The following BIN3 variants were observed in gnomAD, a reference collection of about 807,000 sequenced individuals.
BIN3 encodes bridging integrator 3.
A neutral mutation model predicts 38.2 loss-of-function variants in BIN3; 41 were observed. The observed-to-expected ratio is 1.07, with a 90% CI of 0.84 to 1.39. The LOEUF is 1.39. Among genes scored for constraint, BIN3 ranks in the 40% most tolerant of loss-of-function variants. The pLI, the probability that BIN3 is intolerant of heterozygous loss-of-function variation, is 0.00. For synonymous variants in BIN3, 145 were observed against 122.6 expected, an observed-to-expected ratio of 1.18 and a Z score of -1.21; for missense variants, 361 against 324.3, an observed-to-expected ratio of 1.11 and a Z score of -0.87.
chr8:22,633,162 G>T (rs570346216), intron 4 of BIN3, among the ~76,000 whole-genome samples: 1 of 152,326 alleles, frequency 6.6e-6, no homozygotes, highest in African/African-American at 2.4e-5. Flanking sequence ...AGCTGGGGTA[G>T]ATGACACCAA....
At chr8:22,664,774 C>T (rs764593300) in intron 1 of BIN3, among the ~76,000 whole-genome samples, 3 of 152,192 alleles carry the variant, frequency 2.0e-5, no homozygotes, top group East Asian at 3.8e-4. Flanking sequence ...GCACTGCTTG[C>T]GCAGACATAA....
intron 1 of BIN3, among the ~76,000 whole-genome samples, chr8:22,654,034 T>C (rs544766800): frequency 6.6e-6 from 1 of 152,348 alleles, no homozygotes; most frequent in African/African-American, 2.4e-5. Flanking sequence ...AGCCCTTGGC[T>C]TCACCTAACT....
At chr8:22,647,750 G>A (rs977832830) in intron 1 of BIN3, among the ~76,000 whole-genome samples, 4 of 152,086 alleles carry the variant, frequency 2.6e-5, no homozygotes, top group South Asian at 2.1e-4. Context: ...CTATCATACT[G>A]TTCTGATTAT....
chr8:22,655,642 A>T (rs1585201700), intron 1 of BIN3, among the ~76,000 whole-genome samples: 2 of 152,230 alleles, frequency 1.3e-5, no homozygotes, highest in South Asian at 4.1e-4. Flanking sequence ...TCTTGATAAC[A>T]GCACCACACA....
chr8:22,660,930 G>A (rs1250013274), intron 1 of BIN3, among the ~76,000 whole-genome samples: 1 of 152,128 alleles, frequency 6.6e-6, no homozygotes, highest in Non-Finnish European at 1.5e-5. Context: ...CTGTATCCAG[G>A]CTGAGGTGCA....
At chr8:22,634,454 G>A (rs996769359) in intron 4 of BIN3, 18 of 456,002 alleles carry the variant, frequency 3.9e-5, no homozygotes, top group East Asian at 1.4e-4. Flanking sequence ...GGGAAGGAAC[G>A]CTTTCCTTTT....
At chr8:22,647,614 G>A (rs1802752712) in intron 1 of BIN3, among the ~76,000 whole-genome samples, 1 of 152,198 alleles carries the variant, frequency 6.6e-6, no homozygotes, top group African/African-American at 2.4e-5. Flanking sequence ...TTAAGGGTCT[G>A]GAAGTGAATG....
At chr8:22,629,566 TC>T (rs1395951216) in intron 6 of BIN3, 1 of 225,096 alleles carries the variant, frequency 4.4e-6, no homozygotes, top group East Asian at 9.4e-5. Flanking sequence ...GCAGCTGCTC[TC>T]CCAAGCTGGC....
intron 1 of BIN3, among the ~76,000 whole-genome samples, chr8:22,654,181 C>G (rs1246362577): frequency 2.6e-5 from 4 of 152,046 alleles, no homozygotes; most frequent in Non-Finnish European, 5.9e-5. Context: ...GTAACTGCAC[C>G]CTAATTCCCA....
Position 22,621,464 on chromosome 8 carries a change from T to C in BIN3, c.720A>G (p.Lys240=). 1 of 1,613,800 alleles carries C rather than the reference T, an allele frequency of 6.2e-7. No individual in the cohort carries two copies. Among genetic ancestry groups the C allele is most frequent in the Non-Finnish European group, 8.5e-7 (1 of 1,179,856 alleles). ...TGGAGAGGGCCCGGAGCTCACTGAG[T>C]TTGGCCTCGTTCTCCCGCTCCCGCT... ...DEQRERENEA[K]LSELRALSIV... The change falls in exon 9 of 9, where the codon AAA becomes AAG. Residue 240 remains lysine (K), a synonymous_variant. Coordinates refer to ENST00000276416, the MANE Select transcript of BIN3 (RefSeq NM_018688.6).
chr8:22,666,663 C>T (rs1215758784), intron 1 of BIN3, among the ~76,000 whole-genome samples: 1 of 152,162 alleles, frequency 6.6e-6, no homozygotes, highest in Non-Finnish European at 1.5e-5. Flanking sequence ...GAACAAAGGC[C>T]TCTCACTCTT....
At chr8:22,641,342 A>G (rs963760461) in intron 2 of BIN3, among the ~76,000 whole-genome samples, 7 of 152,130 alleles carry the variant, frequency 4.6e-5, no homozygotes, top group African/African-American at 1.7e-4. Flanking sequence ...GTGGGAGGAA[A>G]GGGTTTTGCT....
At chr8:22,665,053 A>C (rs961268091) in intron 1 of BIN3, among the ~76,000 whole-genome samples, 6 of 152,204 alleles carry the variant, frequency 3.9e-5, no homozygotes, top group Non-Finnish European at 8.8e-5. Flanking sequence ...TTGGTGTGGA[A>C]GGGAGGTGTA....
chr8:22,669,100 C>T lies in BIN3; in HGVS notation c.-49G>A, dbSNP rs747013744. The T allele has an allele frequency of 6.3e-7, 1 of 1,577,274 alleles. No individual in the cohort carries two copies. The highest frequency in any genetic ancestry group is 8.6e-7 in the Non-Finnish European group (1 of 1,161,442). The stretch of plus-strand genomic sequence containing the variant: ...CGGGGTCCTCAGCCACAACTCGTTT[C>T]TCTAGGGTCACTTCCGGATTCAACC... On this transcript the variant is annotated 5_prime_UTR_variant, in exon 1 of 9. Coordinates refer to ENST00000276416, the MANE Select transcript of BIN3 (RefSeq NM_018688.6).
chr8:22,632,494 C>A (rs1585183064), intron 4 of BIN3, among the ~76,000 whole-genome samples: 1 of 152,296 alleles, frequency 6.6e-6, no homozygotes, highest in South Asian at 2.1e-4. Context: ...CTCTTAAATT[C>A]TGTGGAGTGA....
chr8:22,656,318 T>C (rs1379555035), intron 1 of BIN3, among the ~76,000 whole-genome samples: 2 of 151,636 alleles, frequency 1.3e-5, no homozygotes, highest in East Asian at 3.9e-4. Flanking sequence ...GCTCTATACA[T>C]GTCTTAGGTT....
intron 1 of BIN3, among the ~76,000 whole-genome samples, chr8:22,660,632 C>CAA (rs1298977476): frequency 6.6e-6 from 1 of 152,102 alleles, no homozygotes; most frequent in African/African-American, 2.4e-5. Context: ...GGGGCGCGGG[C>CAA]AAACGTTCTC....
intron 1 of BIN3, among the ~76,000 whole-genome samples, chr8:22,658,566 G>A (rs924465400): frequency 1.3e-5 from 2 of 152,220 alleles, no homozygotes; most frequent in African/African-American, 2.4e-5. Context: ...CAGAGGCAGA[G>A]ATAAAAGGCA....
rs1444725010 is a variant in BIN3 at position 22,649,848 on chromosome 8, C to T, written c.9-5045G>A. ...ACACACACACACACACACACACACA[C>T]ACACACACACCCCCAAAGGAAAAAA... On this transcript the variant is annotated intron_variant, in intron 1 of 8. Coordinates refer to ENST00000276416, the MANE Select transcript of BIN3 (RefSeq NM_018688.6). Among the ~76,000 whole-genome samples, 487 of 138,730 alleles carry T rather than the reference C, an allele frequency of 3.5e-3. 2 individuals are homozygous for T. Among genetic ancestry groups the T allele is most frequent in the Admixed American group, 0.011 (154 of 13,822 alleles). The allele number at this position is 138,730 out of a possible 152,430, so 91.0% of individuals were successfully genotyped here. A position where few individuals can be genotyped will look rare whatever the true frequency, so the allele number is the denominator to read the frequency against.
Sources: allele counts gnomAD v4.1 joint callset (sites outside exome capture counted in the v4.1 genomes callset), GRCh38; gene constraint gnomAD v4.1.1; transcripts MANE v1.5; gene names NCBI Gene and HGNC (gene_info 2026-07-23, HGNC 2026-07-21).